NRG3: variants seen among roughly 807,000 people sequenced by gnomAD.
NRG3 encodes the protein neuregulin 3, also known as pro-neuregulin-3, membrane-bound isoform.
Under a neutral mutation model 66.9 loss-of-function variants are expected in NRG3, and 31 were observed. The observed-to-expected ratio is 0.46, with a 90% CI of 0.35 to 0.63. The LOEUF is 0.63. Among genes scored for constraint, NRG3 ranks in the 20% least tolerant of loss-of-function variants. The pLI, the probability that NRG3 is intolerant of heterozygous loss-of-function variation, is 0.00. For synonymous variants in NRG3, 393 were observed against 359.4 expected, an observed-to-expected ratio of 1.09 and a Z score of -1.06; for missense variants, 910 against 878.9, an observed-to-expected ratio of 1.04 and a Z score of -0.45.
intron 2 of NRG3, among the ~76,000 whole-genome samples, chr10:82,532,988 C>CT (rs1433300975): frequency 2.0e-5 from 3 of 151,066 alleles, no homozygotes; most frequent in African/African-American, 7.3e-5. Context: ...ATAATGGCTA[C>CT]CCTAACAGGT....
chr10:81,875,920 C>G lies in NRG3; in HGVS notation c.580C>G (p.Pro194Ala). The change falls in exon 1 of 9, where the codon CCG becomes GCG. Residue 194 changes from proline to alanine, a missense_variant. Coordinates refer to ENST00000372141, the MANE Select transcript of NRG3 (RefSeq NM_001010848.4). The surrounding 1 kb of genome is among the most constrained non-coding windows in gnomAD (Gnocchi z 5.3). ...GAACACTGCGGCCCCTGCGACGGTC[C>G]CGTCCACCACGGCCCCGTTCTTCAG... is the stretch of plus-strand genomic sequence containing the variant. ...ARNTAAPATV[P>A]STTAPFFSSS... 1.2e-6 allele frequency: 2 copies of G among 1,613,402 alleles called. No homozygotes were observed. The highest frequency in any genetic ancestry group is 1.3e-5 in the African/African-American group (1 of 75,062).
At chr10:82,120,918 TTTCTTC>T (rs913501076) in intron 1 of NRG3, among the ~76,000 whole-genome samples, 1 of 152,082 alleles carries the variant, frequency 6.6e-6, no homozygotes, top group Non-Finnish European at 1.5e-5. Context: ...TTTCTGCCTG[TTTCTTC>T]TTCTTCTTCC....
chr10:82,840,086 A>T (rs555336267), intron 3 of NRG3, among the ~76,000 whole-genome samples: 1 of 152,286 alleles, frequency 6.6e-6, no homozygotes, highest in African/African-American at 2.4e-5. Flanking sequence ...TTTTCAACCT[A>T]TATCTGTATA....
chr10:82,323,438 T>TA (rs1484616977), intron 1 of NRG3, among the ~76,000 whole-genome samples: 1 of 151,816 alleles, frequency 6.6e-6, no homozygotes, highest in Non-Finnish European at 1.5e-5. Flanking sequence ...ATATTGCATG[T>TA]AAAATCTTCA....
chr10:82,835,737 C>A (rs1453325701), intron 3 of NRG3, among the ~76,000 whole-genome samples: 1 of 152,120 alleles, frequency 6.6e-6, no homozygotes, highest in African/African-American at 2.4e-5. Context: ...GAAAGGAGTG[C>A]AGGACAGACA....
intron 2 of NRG3, among the ~76,000 whole-genome samples, chr10:82,565,066 A>G (rs2045309475): frequency 6.6e-6 from 1 of 152,110 alleles, no homozygotes; most frequent in Non-Finnish European, 1.5e-5. Flanking sequence ...TCATAAGGAT[A>G]CGAAGTGGAA....
At chr10:82,349,724 G>A (rs1463803250) in intron 1 of NRG3, among the ~76,000 whole-genome samples, 1 of 152,134 alleles carries the variant, frequency 6.6e-6, no homozygotes, top group East Asian at 1.9e-4. Context: ...GAGACTCCGT[G>A]GGCGTAGGAC....
At chr10:81,944,909 G>A (rs1352523189) in intron 1 of NRG3, among the ~76,000 whole-genome samples, 2 of 152,192 alleles carry the variant, frequency 1.3e-5, no homozygotes, top group East Asian at 3.9e-4. Context: ...CCTCTGGGGT[G>A]TGACTTATTT....
chr10:82,135,931 G>A (rs964516741), intron 1 of NRG3, among the ~76,000 whole-genome samples: 2 of 151,992 alleles, frequency 1.3e-5, no homozygotes, highest in African/African-American at 4.8e-5. Flanking sequence ...TGAAGAGTTG[G>A]GTATTTTTTG....
At position 82,434,335 on chromosome 10, in the gene NRG3, A is replaced by C. The variant is rs182086194; in HGVS notation, c.953+75467A>C. On this transcript the variant is annotated intron_variant, in intron 2 of 8. Transcript: ENST00000372141. ...CTTTGCTGAAGTTGCTTATCAGTTCAAGAAGTTTTTGAGCTGAGATGATGG... is the reference window on the plus strand; with the variant it reads ...CTTTGCTGAAGTTGCTTATCAGTTCCAGAAGTTTTTGAGCTGAGATGATGG... Among the ~76,000 whole-genome samples the C allele has an allele frequency of 5.9e-5, 9 of 152,210 alleles. No individual in the cohort carries two copies. In the East Asian group the frequency reaches 1.7e-3, roughly 29 times the overall value.
At chr10:82,239,678 C>G (rs888391905) in intron 1 of NRG3, among the ~76,000 whole-genome samples, 1 of 151,854 alleles carries the variant, frequency 6.6e-6, no homozygotes, top group Non-Finnish European at 1.5e-5. Flanking sequence ...TTTTTGCTGC[C>G]TTTGCTTTAA....
chr10:82,232,334 G>C (rs1414841259), intron 1 of NRG3: 1 of 157,990 alleles, frequency 6.3e-6, no homozygotes, highest in East Asian at 1.9e-4. Flanking sequence ...TGGATGACTT[G>C]CTTATCAGAG....
intron 4 of NRG3, among the ~76,000 whole-genome samples, chr10:82,904,129 C>T (rs529912816): frequency 6.6e-6 from 1 of 152,292 alleles, no homozygotes; most frequent in African/African-American, 2.4e-5. Context: ...GTCCCACAGG[C>T]CACATGTGGC....
intron 1 of NRG3, among the ~76,000 whole-genome samples, chr10:82,151,985 G>A (rs529672388): frequency 6.6e-6 from 1 of 152,266 alleles, no homozygotes; most frequent in Non-Finnish European, 1.5e-5. Flanking sequence ...TATAAAATAC[G>A]TTAGCATAAG....
chr10:82,618,729 G>A (rs2048832959), intron 2 of NRG3, among the ~76,000 whole-genome samples: 1 of 151,824 alleles, frequency 6.6e-6, no homozygotes, highest in Non-Finnish European at 1.5e-5. Context: ...TTTATATTAT[G>A]AAATGTTAAT....
At chr10:82,200,986 A>G (rs1312178565) in intron 1 of NRG3, among the ~76,000 whole-genome samples, 16 of 152,082 alleles carry the variant, frequency 1.1e-4, no homozygotes, top group Non-Finnish European at 2.9e-5. Context: ...TCACGAGGTC[A>G]GGAGTTAGAG....
At chr10:82,924,020 G>A (rs1813312) in intron 4 of NRG3, among the ~76,000 whole-genome samples, 1 of 148,516 alleles carries the variant, frequency 6.7e-6, no homozygotes, top group African/African-American at 2.5e-5. Context: ...ATTGCTTGAA[G>A]CCAGGAGGCA....
intron 1 of NRG3, among the ~76,000 whole-genome samples, chr10:82,336,919 A>C (rs1471806789): frequency 6.6e-6 from 1 of 152,160 alleles, no homozygotes; most frequent in African/African-American, 2.4e-5. Flanking sequence ...TCTCAATAAT[A>C]TTTGTTCTGA....
chr10:82,042,717 A>G (rs2207767), intron 1 of NRG3, among the ~76,000 whole-genome samples: 36,805 of 151,950 alleles, frequency 0.24, 4,621 homozygotes, highest in East Asian at 0.41. Flanking sequence ...TCTCATTTTC[A>G]AATGAAAAGT....
Sources: gnomAD v4.1 joint callset for allele counts (sites outside exome capture counted in the v4.1 genomes callset) on GRCh38, gnomAD v4.1.1 for gene constraint, Gnocchi (gnomAD v3.1) non-coding constraint, MANE v1.5 for transcripts, NCBI Gene and HGNC (gene_info 2026-07-23, HGNC 2026-07-21) for gene names.